Variants in ERC2 observed in about 807,000 individuals in gnomAD.
ERC2 encodes the protein ELKS/RAB6-interacting/CAST family member 2.
In ERC2, 42 loss-of-function variants were observed where a neutral mutation model predicts 114.8. The ratio of observed to expected loss-of-function variants is 0.37; its 90% CI spans 0.29 to 0.47. The LOEUF (loss-of-function observed/expected upper bound fraction) is 0.47, where lower values mean the gene tolerates loss of function less well. ERC2 is among the 20% of genes least tolerant of loss of function. The pLI, the probability that ERC2 is intolerant of heterozygous loss-of-function variation, is 0.99. For synonymous variants in ERC2, 454 were observed against 425.5 expected (o/e 1.07, Z -0.82); for missense variants, 939 against 1,150.7 (o/e 0.82, Z 2.66).
chr3:56,245,510 TTG>T (rs34578755), intron 3 of ERC2, among the ~76,000 whole-genome samples: 2,256 of 149,128 alleles, frequency 0.015, 44 homozygotes, highest in African/African-American at 0.05. Context: ...GTGTGGTATG[TTG>T]TGTGTGTGTG....
rs578021078 is a variant in ERC2 at position 55,677,424 on chromosome 3, C to A, written c.*39+6370G>T. Reference sequence around the variant, plus strand: ...TTCTTTTACCTCCCAAATTCAACAACCCCAGTATCAACCACTTTCCTCTGT... The same window carrying A: ...TTCTTTTACCTCCCAAATTCAACAAACCCAGTATCAACCACTTTCCTCTGT... On this transcript the variant is annotated intron_variant, in intron 17 of 17. Transcript: ENST00000288221. 2.6e-5 allele frequency among the ~76,000 whole-genome samples: 4 copies of A among 152,258 alleles called. No homozygotes were observed. In the South Asian group the frequency reaches 6.2e-4, roughly 24 times the overall value.
Position 56,435,115 on chromosome 3 carries a change from A to G in ERC2, c.-108T>C. ...AGAATTTTCACCGCATTCTTTTCAC[A>G]GTCCGTACCAGAAAATAACTCCACT... On this transcript the variant is annotated 5_prime_UTR_variant, in exon 2 of 18. Transcript: ENST00000288221. 1 of 778,152 alleles carries G rather than the reference A, an allele frequency of 1.3e-6. No homozygotes were observed. Among genetic ancestry groups the G allele is most frequent in the Non-Finnish European group, 2.0e-6 (1 of 498,424 alleles). The allele number at this position is 778,152 out of a possible 1,614,324, so 48.2% of individuals were successfully genotyped here.
chr3:56,046,353 T>C (rs2075458447), intron 7 of ERC2, among the ~76,000 whole-genome samples: 1 of 151,934 alleles, frequency 6.6e-6, no homozygotes, highest in South Asian at 2.1e-4. Flanking sequence ...AAGCTGGGGG[T>C]GAGAAGGGTT....
chr3:56,162,456 C>A (rs534505255), intron 4 of ERC2, among the ~76,000 whole-genome samples: 2 of 152,172 alleles, frequency 1.3e-5, no homozygotes, highest in Non-Finnish European at 2.9e-5. Context: ...AAAACTAGTA[C>A]CAGCTCTTCT....
intron 17 of ERC2, among the ~76,000 whole-genome samples, chr3:55,631,557 A>T (rs1482600079): frequency 1.3e-5 from 2 of 152,210 alleles, no homozygotes; most frequent in Non-Finnish European, 2.9e-5. Context: ...CCATCTTTAC[A>T]GTGTACACTC....
intron 2 of ERC2, among the ~76,000 whole-genome samples, chr3:56,313,912 T>C (rs1026578422): frequency 6.6e-6 from 1 of 152,202 alleles, no homozygotes; most frequent in East Asian, 1.9e-4. Context: ...GACAGTGCTA[T>C]GATTATGTTT....
At chr3:56,337,111 AG>A (rs1195448240) in intron 2 of ERC2, among the ~76,000 whole-genome samples, 2 of 152,192 alleles carry the variant, frequency 1.3e-5, no homozygotes, top group Non-Finnish European at 2.9e-5. Flanking sequence ...GTATCAGCTA[AG>A]TCTGGGCCCT....
intron 14 of ERC2, among the ~76,000 whole-genome samples, chr3:55,780,345 A>C (rs981817435): frequency 6.6e-6 from 1 of 152,206 alleles, no homozygotes; most frequent in Admixed American, 6.5e-5. Flanking sequence ...CTACTTGAAC[A>C]AAAAATAATG....
chr3:56,267,448 T>C (rs2053385116), intron 3 of ERC2, among the ~76,000 whole-genome samples: 1 of 152,084 alleles, frequency 6.6e-6, no homozygotes, highest in African/African-American at 2.4e-5. Context: ...GAAGAATGGT[T>C]ATGGCAGGAA....
chr3:55,636,119 G>T (rs907588404), intron 17 of ERC2, among the ~76,000 whole-genome samples: 1 of 150,270 alleles, frequency 6.7e-6, no homozygotes, highest in Non-Finnish European at 1.5e-5. Flanking sequence ...CAGGTGATCC[G>T]CCCACCTCGG....
chr3:56,185,880 G>C (rs1037205800), intron 3 of ERC2, among the ~76,000 whole-genome samples: 1 of 151,900 alleles, frequency 6.6e-6, no homozygotes, highest in African/African-American at 2.4e-5. Context: ...AGAGAGATGC[G>C]GCAGATGAGG....
chr3:55,873,420 A>T (rs959846658), intron 14 of ERC2, among the ~76,000 whole-genome samples: 3 of 152,202 alleles, frequency 2.0e-5, no homozygotes, highest in African/African-American at 7.2e-5. Flanking sequence ...TAGAGATGAT[A>T]ACAGTACTTA....
At chr3:56,046,831 T>A (rs2075487863) in intron 7 of ERC2, among the ~76,000 whole-genome samples, 1 of 152,190 alleles carries the variant, frequency 6.6e-6, no homozygotes, top group Non-Finnish European at 1.5e-5. Flanking sequence ...ACCCTTTCAT[T>A]TTCTTCCTTT....
intron 2 of ERC2, among the ~76,000 whole-genome samples, chr3:56,407,723 A>C (rs1257517992): frequency 6.6e-6 from 1 of 152,136 alleles, no homozygotes; most frequent in Non-Finnish European, 1.5e-5. Context: ...GCTTGTAAAA[A>C]TCCTGATGCC....
chr3:55,892,018 G>A (rs1438497031), intron 13 of ERC2, among the ~76,000 whole-genome samples: 6 of 152,044 alleles, frequency 3.9e-5, no homozygotes, highest in East Asian at 1.9e-4. Context: ...GCATTATTAC[G>A]GTGTGAGTGA....
At chr3:56,008,064 G>C (rs2072637878) in intron 9 of ERC2, among the ~76,000 whole-genome samples, 1 of 152,018 alleles carries the variant, frequency 6.6e-6, no homozygotes, top group Non-Finnish European at 1.5e-5. Context: ...CAACCTAAAA[G>C]AGCAATGTTT....
At chr3:56,202,969 T>C (rs1052536305) in intron 3 of ERC2, among the ~76,000 whole-genome samples, 2 of 152,170 alleles carry the variant, frequency 1.3e-5, no homozygotes, top group Non-Finnish European at 2.9e-5. Flanking sequence ...ATTAACTTCT[T>C]TAGAAAAAAT....
chr3:56,249,742 G>A (rs1009827809), intron 3 of ERC2, among the ~76,000 whole-genome samples: 12 of 152,006 alleles, frequency 7.9e-5, no homozygotes, highest in African/African-American at 2.9e-4. Context: ...CATGTAAAAT[G>A]CTAGGCACAA....
intron 16 of ERC2, 149 bp from the exon 17 acceptor site, chr3:55,684,008 T>C (rs2062194513): frequency 2.3e-6 from 2 of 855,916 alleles, no homozygotes; most frequent in South Asian, 2.0e-5. Flanking sequence ...AAAAAATCCA[T>C]AGTAACTTAA....
Sources: gnomAD v4.1 joint callset for allele counts (sites outside exome capture counted in the v4.1 genomes callset) on GRCh38, gnomAD v4.1.1 for gene constraint, MANE v1.5 for transcripts, NCBI Gene and HGNC (gene_info 2026-07-23, HGNC 2026-07-21) for gene names.